SMPD3: variants seen among roughly 807,000 people sequenced by gnomAD.
SMPD3 encodes nSMase-2.
Under a neutral mutation model 55.7 loss-of-function variants are expected in SMPD3, and 21 were observed. The observed-to-expected ratio is 0.38, with a 90% CI of 0.27 to 0.54. The LOEUF is 0.54. SMPD3 is among the 20% of genes least tolerant of loss of function. The pLI is 0.80. For missense variants in SMPD3, 842 were observed against 899.6 expected (o/e 0.94, Z 0.82); for synonymous variants, 457 against 404.3 (o/e 1.13, Z -1.56).
At chr16:68,401,064 GAGCTC>G (rs1296259232) in intron 1 of SMPD3, among the ~76,000 whole-genome samples, 1 of 152,220 alleles carries the variant, frequency 6.6e-6, no homozygotes, top group African/African-American at 2.4e-5. Context: ...GCTGGCCTCA[GAGCTC>G]AGATAGTGAA....
At chr16:68,386,409 T>C (rs1410766457) in intron 2 of SMPD3, among the ~76,000 whole-genome samples, 189 bp downstream of exon 2, 1 of 152,166 alleles carries the variant, frequency 6.6e-6, no homozygotes, top group Non-Finnish European at 1.5e-5. Flanking sequence ...GGGACCCAGA[T>C]GGCCAGCTCC....
chr16:68,364,720 G>A (rs771566009), intron 5 of SMPD3, 31 bp downstream of exon 5: 18 of 1,595,064 alleles, frequency 1.1e-5, no homozygotes, highest in Middle Eastern at 1.8e-4. Context: ...CCCAGAGCTG[G>A]AGACCTGAGT....
chr16:68,416,351 C>T lies in SMPD3; in HGVS notation c.-268-29692G>A, dbSNP rs138054669. 3.2e-4 allele frequency among the ~76,000 whole-genome samples: 48 copies of T among 152,324 alleles called. No homozygotes were observed. The East Asian group carries it at 8.1e-3, about 26-fold the overall frequency. On this transcript the variant is annotated intron_variant, in intron 1 of 8. Transcript: ENST00000219334. ...TGAGCCCCTTCCCATCTCCCTCTCT[C>T]TGGGGCCTCCGACCCTGAGTTGTCC...
At position 68,361,652 on chromosome 16, in the gene SMPD3, A is replaced by G; in HGVS notation, c.1817T>C (p.Ile606Thr). The G allele has an allele frequency of 6.2e-7, 1 of 1,611,862 alleles. No individual in the cohort carries two copies. The highest frequency in any genetic ancestry group is 8.5e-7 in the Non-Finnish European group (1 of 1,179,930). Residue 606 changes from isoleucine (I) to threonine (T), a missense_variant, in exon 8 of 9, where the codon ATC becomes ACC. Coordinates refer to ENST00000219334, the MANE Select transcript of SMPD3 (RefSeq NM_018667.4). ...CTCCTCTGCATGCAGCATGTAGTCG[A>G]TGCGCCGGCCGTTGCCCTTCAGCAG... Reference protein sequence around the residue: ...KELLKGNGRRIDYMLHAEEGL... With the variant: ...KELLKGNGRRTDYMLHAEEGL...
At chr16:68,374,708 C>T (rs2151988245) in intron 2 of SMPD3, among the ~76,000 whole-genome samples, 1 of 152,316 alleles carries the variant, frequency 6.6e-6, no homozygotes, top group Middle Eastern at 3.4e-3. Context: ...ACTCACTCTC[C>T]CTCCCAGGCT....
chr16:68,363,490 GCTTA>G lies in SMPD3; in HGVS notation c.1709+2_1709+5del, dbSNP rs769611373. ...CTCGTCCCTGGCCTGGGAGCGCAGT[GCTTA>G]CTTCTGCAGGTTGTCGGGGGTGCAC... On this transcript the variant is annotated splice_donor_variant and splice_donor_5th_base_variant and intron_variant, in intron 7 of 8. Transcript: ENST00000219334. LOFTEE classifies it high-confidence loss of function. 1.2e-6 allele frequency: 2 copies of G among 1,613,994 alleles called. No individual in the cohort carries two copies. Among genetic ancestry groups the G allele is most frequent in the Non-Finnish European group, 1.7e-6 (2 of 1,179,954 alleles).
At chr16:68,397,802 C>T (rs1253045095) in intron 1 of SMPD3, among the ~76,000 whole-genome samples, 1 of 152,194 alleles carries the variant, frequency 6.6e-6, no homozygotes, top group Non-Finnish European at 1.5e-5. Context: ...GAAGCCTTCC[C>T]CCCTCCCCTG....
chr16:68,435,867 G>A (rs1237020977), intron 1 of SMPD3, among the ~76,000 whole-genome samples: 4 of 152,188 alleles, frequency 2.6e-5, no homozygotes, highest in Non-Finnish European at 5.9e-5. Context: ...GGGGAGGGTG[G>A]TGAAGCCAGT....
chr16:68,392,705 A>G (rs1274069622), intron 1 of SMPD3, among the ~76,000 whole-genome samples: 1 of 152,110 alleles, frequency 6.6e-6, no homozygotes, highest in Non-Finnish European at 1.5e-5. Context: ...TACTAAAAAG[A>G]CAAAAATTAG....
chr16:68,378,125 A>G (rs1122720), intron 2 of SMPD3, among the ~76,000 whole-genome samples: 74,884 of 152,054 alleles, frequency 0.49, 19,011 homozygotes, highest in East Asian at 0.79. Flanking sequence ...TGCCGTGTCC[A>G]CAAGCTCATG....
At chr16:68,364,988 G>C in intron 4 of SMPD3, 29 bp downstream of exon 4, 1 of 1,614,026 alleles carries the variant, frequency 6.2e-7, no homozygotes, top group Non-Finnish European at 8.5e-7. Flanking sequence ...CCCATGCCTA[G>C]AAAAAACACA....
intron 1 of SMPD3, among the ~76,000 whole-genome samples, chr16:68,421,272 C>T (rs565587235): frequency 1.3e-5 from 2 of 152,348 alleles, no homozygotes; most frequent in East Asian, 3.9e-4. Flanking sequence ...CCAGCTCTGC[C>T]CTCGCACATC....
At position 68,360,796 on chromosome 16, in the gene SMPD3, G is replaced by A. The variant is rs1015666790; in HGVS notation, c.*410C>T. The A allele has an allele frequency of 3.4e-5, 6 of 174,152 alleles. No homozygotes were observed. The highest frequency in any genetic ancestry group is 2.7e-4 in the South Asian group (2 of 7,430). The allele number at this position is 174,152 out of a possible 1,614,324, so 10.8% of individuals were successfully genotyped here. A position where few individuals can be genotyped will look rare whatever the true frequency, so the allele number is the denominator to read the frequency against. On this transcript the variant is annotated 3_prime_UTR_variant, in exon 9 of 9. Transcript: ENST00000219334. ...GGCTACAGCGTGGCACGTGGCATGC[G>A]GGCAGCGTGCATGCGAGGGTGCAGG...
chr16:68,387,101 ATC>A (rs2090063622), intron 1 of SMPD3, among the ~76,000 whole-genome samples: 1 of 152,094 alleles, frequency 6.6e-6, no homozygotes, highest in African/African-American at 2.4e-5. Context: ...GCTTTGTGCA[ATC>A]TCTGCTTCCC....
In SMPD3 at chr16:68,371,502, C is replaced by G; in HGVS notation, c.680G>C (p.Gly227Ala). 2 of 1,598,664 alleles carry G rather than the reference C, an allele frequency of 1.3e-6. No homozygotes were observed. Among genetic ancestry groups the G allele is most frequent in the South Asian group, 1.1e-5 (1 of 90,886 alleles). The change falls in exon 3 of 9, where the codon GGC becomes GCC. Residue 227 changes from glycine to alanine, a missense_variant. Physicochemically the swap from Gly to Ala is moderately conservative, Grantham distance 60. This residue lies in a region of SMPD3 where 649 missense variants were observed against 643.6 expected (regional missense o/e 1.01). Coordinates refer to ENST00000219334, the MANE Select transcript of SMPD3 (RefSeq NM_018667.4). ...GRHPGDEAAN[G>A]PASGDPVDSS... ...GTCGACAGGGTCCCCAGAGGCTGGG[C>G]CGTTGGCAGCCTCGTCACCGGGGTG...
intron 1 of SMPD3, among the ~76,000 whole-genome samples, chr16:68,390,040 G>A (rs1383718331): frequency 1.3e-5 from 2 of 152,164 alleles, no homozygotes; most frequent in Non-Finnish European, 2.9e-5. Context: ...AACGAGGGGT[G>A]GATTATTTAT....
rs368971012 is a variant in SMPD3 at position 68,362,572 on chromosome 16, G to C, written c.1710-813C>G. On this transcript the variant is annotated intron_variant, in intron 7 of 8. Coordinates refer to ENST00000219334, the MANE Select transcript of SMPD3 (RefSeq NM_018667.4). ...CAGGCTGGGGCCAGGGCCTGGGATG[G>C]CAAGTGCAGTGGTGAGAGACCCTGC... is the stretch of plus-strand genomic sequence containing the variant. Among the ~76,000 whole-genome samples the C allele has an allele frequency of 2.3e-4, 35 of 152,386 alleles. 1 individual carries two copies. Among genetic ancestry groups the C allele is most frequent in the African/African-American group, 7.5e-4 (31 of 41,602 alleles).
At chr16:68,364,944 C>T (rs377450691) in intron 4 of SMPD3, 38 bp from the exon 5 acceptor site, 19 of 1,612,554 alleles carry the variant, frequency 1.2e-5, no homozygotes, top group African/African-American at 4.0e-5. Flanking sequence ...TGATGAAGTT[C>T]GCCCCAGACC....
At chr16:68,361,867 G>T in intron 7 of SMPD3, 108 bp from the exon 8 acceptor site, 1 of 1,324,040 alleles carries the variant, frequency 7.6e-7, no homozygotes, top group Non-Finnish European at 1.0e-6. Flanking sequence ...GCGGGTGGGT[G>T]GGACCAAAGC....
Sources: allele counts gnomAD v4.1 joint callset (sites outside exome capture counted in the v4.1 genomes callset), GRCh38; gene constraint gnomAD v4.1.1; regional missense constraint gnomAD v4.1.1; transcripts MANE v1.5; gene names NCBI Gene and HGNC (gene_info 2026-07-23, HGNC 2026-07-21).